TRIO: variants seen among roughly 807,000 people sequenced by gnomAD.
TRIO encodes the protein trio Rho guanine nucleotide exchange factor.
In TRIO, 58 loss-of-function variants were observed where a neutral mutation model predicts 351.9. The ratio of observed to expected loss-of-function variants is 0.16; its 90% CI spans 0.13 to 0.21. TRIO has a LOEUF of 0.21. Among genes scored for constraint, TRIO ranks in the 10% least tolerant of loss-of-function variants. The pLI, the probability that TRIO is intolerant of heterozygous loss-of-function variation, is 1.00. For synonymous variants in TRIO, 1,758 were observed against 1,595.7 expected, an observed-to-expected ratio of 1.10 and a Z score of -2.42; for missense variants, 3,201 against 4,027.8, an observed-to-expected ratio of 0.79 and a Z score of 5.56.
chr5:14,305,036 A>G (rs572588211), intron 8 of TRIO, among the ~76,000 whole-genome samples: 7 of 152,170 alleles, frequency 4.6e-5, no homozygotes, highest in Non-Finnish European at 1.0e-4. Context: ...GGTGTATTAC[A>G]TTATTTACTT....
chr5:14,226,386 C>G (rs759949992), intron 1 of TRIO, among the ~76,000 whole-genome samples: 1 of 152,124 alleles, frequency 6.6e-6, no homozygotes, highest in African/African-American at 2.4e-5. Flanking sequence ...AGGTTGAAAA[C>G]CAGGGTGTTG....
rs757360741 is a variant in TRIO, at chr5:14,381,123, C to T, written c.3448-7C>T. ...CCTCTGACTCCATTCATTCCTTCCCCTTCCAGGCTTTGGAATGGATCCATG... is the reference window on the plus strand; with the variant it reads ...CCTCTGACTCCATTCATTCCTTCCCTTTCCAGGCTTTGGAATGGATCCATG... On this transcript the variant is annotated splice_region_variant and splice_polypyrimidine_tract_variant and intron_variant, in intron 20 of 56. Coordinates refer to ENST00000344204, the MANE Select transcript of TRIO (RefSeq NM_007118.4). The T allele has an allele frequency of 5.6e-6, 9 of 1,612,788 alleles. No homozygotes were observed. In the South Asian group the frequency reaches 8.8e-5, roughly 16 times the overall value.
intron 1 of TRIO, among the ~76,000 whole-genome samples, chr5:14,206,018 G>A (rs1330581945): frequency 6.6e-6 from 1 of 152,168 alleles, no homozygotes; most frequent in African/African-American, 2.4e-5. Flanking sequence ...ACAGGTATGA[G>A]CCACTGTGCC....
intron 34 of TRIO, among the ~76,000 whole-genome samples, chr5:14,427,226 G>A (rs1468400300): frequency 3.9e-5 from 6 of 151,934 alleles, no homozygotes; most frequent in African/African-American, 7.3e-5. Context: ...TAAACATCTC[G>A]CCTGGTGAGG....
chr5:14,286,432 C>T lies in TRIO; in HGVS notation c.348-439C>T, dbSNP rs1335652294. On this transcript the variant is annotated intron_variant, in intron 3 of 56. Transcript: ENST00000344204. The surrounding 1 kb of genome is among the most constrained non-coding windows in gnomAD (Gnocchi z 4.4). Reference sequence around the variant, plus strand: ...CTGGGAGTCCTGGGGTAACTGCCGTCCACAGGTCTCAGACTGTCCCCAGTC... The same window carrying T: ...CTGGGAGTCCTGGGGTAACTGCCGTTCACAGGTCTCAGACTGTCCCCAGTC... 6.6e-6 allele frequency among the ~76,000 whole-genome samples: 1 copy of T among 152,100 alleles called. No homozygotes were observed. The highest frequency in any genetic ancestry group is 2.4e-5 in the African/African-American group (1 of 41,410).
At chr5:14,397,204 A>C (rs1267676374) in intron 29 of TRIO, 50 bp downstream of exon 29, 1 of 1,436,976 alleles carries the variant, frequency 7.0e-7, no homozygotes, top group East Asian at 2.3e-5. Flanking sequence ...TTCTAATGAC[A>C]CTGTTTGTAA....
intron 1 of TRIO, among the ~76,000 whole-genome samples, chr5:14,239,864 A>C (rs1423376011): frequency 6.6e-6 from 1 of 152,240 alleles, no homozygotes; most frequent in African/African-American, 2.4e-5. Flanking sequence ...GAAAGGCTTC[A>C]TGAAGTTTGA....
At chr5:14,437,644 C>G (rs1452769214) in intron 34 of TRIO, among the ~76,000 whole-genome samples, 1 of 151,432 alleles carries the variant, frequency 6.6e-6, no homozygotes, top group Admixed American at 6.6e-5. Context: ...GTGCCCTCAT[C>G]TCCTCTTCCC....
At chr5:14,258,268 A>C (rs1795139498) in intron 1 of TRIO, among the ~76,000 whole-genome samples, 1 of 152,176 alleles carries the variant, frequency 6.6e-6, no homozygotes, top group South Asian at 2.1e-4. Flanking sequence ...GGCTGCTTGT[A>C]ACCCTGTGTC....
intron 23 of TRIO, among the ~76,000 whole-genome samples, chr5:14,388,271 G>T (rs1746722742): frequency 6.6e-6 from 1 of 152,198 alleles, no homozygotes; most frequent in African/African-American, 2.4e-5. Context: ...GGTTGTCACA[G>T]TGGGGAGGGG....
In TRIO at chr5:14,231,844, ATTT is replaced by A. The variant is rs200567229; in HGVS notation, c.158-38967_158-38965del. Among the ~76,000 whole-genome samples the A allele has an allele frequency of 7.9e-3, 1,152 of 145,042 alleles. 16 individuals are homozygous for A. Among genetic ancestry groups the A allele is most frequent in the African/African-American group, 0.027 (1,082 of 39,680 alleles). ...TTACATAGGCATAAGCCAGTGACTG[ATTT>A]TTTTTTTTTTTTTGATTGTTTTCTC... On this transcript the variant is annotated intron_variant, in intron 1 of 56. Transcript: ENST00000344204.
At chr5:14,358,150 G>C (rs752375851) in intron 11 of TRIO, 28 bp from the exon 12 acceptor site, 1 of 1,599,916 alleles carries the variant, frequency 6.3e-7, no homozygotes, top group Non-Finnish European at 8.5e-7. Context: ...CAGGCCGGCC[G>C]GCCTCACCCC....
At chr5:14,345,597 G>A (rs1742350790) in intron 11 of TRIO, among the ~76,000 whole-genome samples, 1 of 152,188 alleles carries the variant, frequency 6.6e-6, no homozygotes, top group South Asian at 2.1e-4. Flanking sequence ...GTCTCACTCT[G>A]TCACCCAGGC....
At chr5:14,388,825 G>T in intron 24 of TRIO, 146 bp downstream of exon 24, 1 of 951,514 alleles carries the variant, frequency 1.1e-6, no homozygotes, top group Non-Finnish European at 1.5e-6. Context: ...TTCAGCAGCC[G>T]GTTTCATGTT....
chr5:14,186,758 A>G (rs372464124), intron 1 of TRIO, among the ~76,000 whole-genome samples: 2 of 152,042 alleles, frequency 1.3e-5, no homozygotes, highest in Non-Finnish European at 1.5e-5. Flanking sequence ...TTGTATTTTT[A>G]GTAGAGATGA....
chr5:14,194,981 A>G (rs1790687605), intron 1 of TRIO, among the ~76,000 whole-genome samples: 1 of 152,112 alleles, frequency 6.6e-6, no homozygotes, highest in Non-Finnish European at 1.5e-5. Flanking sequence ...AGGCAGACAT[A>G]ATACTTCTTT....
chr5:14,416,174 C>T (rs918431708), intron 33 of TRIO, among the ~76,000 whole-genome samples: 14 of 148,190 alleles, frequency 9.4e-5, no homozygotes, highest in South Asian at 2.2e-4. Context: ...CTCCGTCAGA[C>T]GTAACATACG....
chr5:14,371,247 A>G (rs898633016), intron 18 of TRIO, among the ~76,000 whole-genome samples: 1 of 152,188 alleles, frequency 6.6e-6, no homozygotes, highest in Non-Finnish European at 1.5e-5. Context: ...TTTGACTTAC[A>G]ATGGGTTTAT....
chr5:14,252,522 C>T (rs1296646667), intron 1 of TRIO, among the ~76,000 whole-genome samples: 1 of 152,328 alleles, frequency 6.6e-6, no homozygotes, highest in Middle Eastern at 3.4e-3. Context: ...CGAGGGACTT[C>T]ATCTGTGTCC....
Sources: gnomAD v4.1 joint callset for allele counts (sites outside exome capture counted in the v4.1 genomes callset) on GRCh38, gnomAD v4.1.1 for gene constraint, Gnocchi (gnomAD v3.1) non-coding constraint, MANE v1.5 for transcripts, NCBI Gene and HGNC (gene_info 2026-07-23, HGNC 2026-07-21) for gene names.